Variants in RANBP2 observed in about 807,000 individuals in gnomAD.
RANBP2 encodes the protein RAN binding protein 2.
Under a neutral mutation model 303.6 loss-of-function variants are expected in RANBP2, and 57 were observed. That is an observed-to-expected ratio of 0.19 (90% CI 0.15 to 0.23). RANBP2 has a LOEUF of 0.23. RANBP2 is among the 10% of genes least tolerant of loss of function. The pLI is 1.00. For missense variants in RANBP2, 3,138 were observed against 3,780.8 expected (o/e 0.83, Z 4.46); for synonymous variants, 1,167 against 1,301.5 (o/e 0.90, Z 2.23).
chr2:109,445,799 A>C, the RANBP2 span, among the ~76,000 whole-genome samples: 3 of 152,114 alleles, frequency 2.0e-5, no homozygotes, highest in Non-Finnish European at 2.9e-5. Context: ...TCATCCCTGA[A>C]GTGGGAAGCG....
At chr2:109,196,155 T>G in the RANBP2 span, among the ~76,000 whole-genome samples, 6 of 152,202 alleles carry the variant, frequency 3.9e-5, no homozygotes, top group Admixed American at 2.6e-4. Flanking sequence ...CAGGGTCACA[T>G]GGCTGGTTGG....
chr2:108,880,095 CAG>C, the RANBP2 span, among the ~76,000 whole-genome samples: 1 of 151,180 alleles, frequency 6.6e-6, no homozygotes, highest in Non-Finnish European at 1.5e-5. Flanking sequence ...TTTTAAAAAA[CAG>C]AAATCAATGA....
Position 108,719,545 on chromosome 2 carries a change from T to A in RANBP2, c.-62T>A, listed in dbSNP as rs1694033485. On this transcript the variant is annotated 5_prime_UTR_variant, in exon 1 of 29. Coordinates refer to ENST00000283195, the MANE Select transcript of RANBP2 (RefSeq NM_006267.5). ...TTTGCAGGCGCTTTCCTCTTGGAAG[T>A]GGCGACTGCTGCGGGCCTGAGCGCT... The A allele has an allele frequency of 6.4e-7, 1 of 1,561,984 alleles. No homozygotes were observed. Among genetic ancestry groups the A allele is most frequent in the African/African-American group, 1.4e-5 (1 of 73,918 alleles).
chr2:109,437,077 C>G, the RANBP2 span: 1 of 1,613,624 alleles, frequency 6.2e-7, no homozygotes, highest in South Asian at 1.1e-5. Context: ...AGCCTCGCCC[C>G]CAACAGGCAG....
the RANBP2 span, among the ~76,000 whole-genome samples, chr2:109,623,646 A>T: frequency 6.6e-6 from 1 of 152,212 alleles, no homozygotes; most frequent in African/African-American, 2.4e-5. Flanking sequence ...TATTCTTCCC[A>T]ATGTCTGACC....
the RANBP2 span, among the ~76,000 whole-genome samples, chr2:109,636,655 T>C: frequency 4.6e-5 from 7 of 152,116 alleles, no homozygotes; most frequent in African/African-American, 1.7e-4. Context: ...AAAACAGTGT[T>C]GGCTGGGTGC....
At chr2:109,614,794 AGCCCGAGGCCCCCGACGGCCCTGCCGG>A in the RANBP2 span, 6 of 1,472,674 alleles carry the variant, frequency 4.1e-6, no homozygotes, top group Admixed American at 2.4e-5. Flanking sequence ...GTGACCGCCG[AGCCCGAGGCCCCCGACGGCCCTGCCGG>A]GCCCGAGGCG....
At chr2:109,693,732 C>T in the RANBP2 span, among the ~76,000 whole-genome samples, 167 of 152,284 alleles carry the variant, frequency 1.1e-3, 2 homozygotes, top group South Asian at 0.027. Context: ...ATCGGCAGCA[C>T]GAAAGCAGAG....
At chr2:109,481,311 T>G in the RANBP2 span, among the ~76,000 whole-genome samples, 1 of 152,204 alleles carries the variant, frequency 6.6e-6, no homozygotes, top group African/African-American at 2.4e-5. Context: ...AGCTGGAGGG[T>G]GCACCTGTGC....
At chr2:109,475,788 C>T in the RANBP2 span, among the ~76,000 whole-genome samples, 256 of 152,340 alleles carry the variant, frequency 1.7e-3, no homozygotes, top group Non-Finnish European at 2.1e-3. Context: ...GGTTGAATTC[C>T]TGGTTCCTCT....
the RANBP2 span, among the ~76,000 whole-genome samples, chr2:109,374,669 C>G: frequency 2.0e-5 from 3 of 152,230 alleles, no homozygotes; most frequent in African/African-American, 7.2e-5. Flanking sequence ...GACCCGTCAC[C>G]TCACACTAAG....
the RANBP2 span, among the ~76,000 whole-genome samples, chr2:109,156,485 G>A: frequency 2.3e-3 from 343 of 150,320 alleles, 3 homozygotes; most frequent in Non-Finnish European, 3.2e-3. Flanking sequence ...TGCTCTTGTT[G>A]TCCAGGCTGG....
the RANBP2 span, among the ~76,000 whole-genome samples, chr2:108,917,658 C>A: frequency 6.6e-6 from 1 of 151,890 alleles, no homozygotes; most frequent in Non-Finnish European, 1.5e-5. Flanking sequence ...GGGGGTCAAA[C>A]GGGAGGCGGT....
chr2:109,246,048 C>A, the RANBP2 span, among the ~76,000 whole-genome samples: 1 of 152,222 alleles, frequency 6.6e-6, no homozygotes, highest in African/African-American at 2.4e-5. Context: ...CACCTGGATT[C>A]ATACTTCAAT....
chr2:109,371,453 G>A, the RANBP2 span: 1 of 641,840 alleles, frequency 1.6e-6, no homozygotes, highest in South Asian at 2.1e-5. Context: ...ATACCTGAAT[G>A]GATAATGCAC....
the RANBP2 span, chr2:109,615,507 G>A: frequency 1.2e-6 from 2 of 1,613,838 alleles, no homozygotes; most frequent in East Asian, 2.2e-5. Context: ...CAGGACGAGC[G>A]GGGGTTACAC....
At chr2:109,171,161 A>G in the RANBP2 span, among the ~76,000 whole-genome samples, 43 of 152,302 alleles carry the variant, frequency 2.8e-4, 2 homozygotes, top group African/African-American at 1.0e-3. Flanking sequence ...TTTGTTTTAT[A>G]TATATGTACA....
At chr2:108,810,281 G>T in the RANBP2 span, among the ~76,000 whole-genome samples, 1 of 152,248 alleles carries the variant, frequency 6.6e-6, no homozygotes, top group East Asian at 1.9e-4. Flanking sequence ...TTGTGTGTTT[G>T]TTATATATAG....
downstream of RANBP2, chr2:108,789,026 G>A (rs373028320): frequency 8.3e-4 from 1,308 of 1,576,636 alleles, 20 homozygotes; most frequent in South Asian, 0.012. Flanking sequence ...AACTGAGAAA[G>A]AGAAAAGGGC....
Sources: gnomAD v4.1 joint callset for allele counts (sites outside exome capture counted in the v4.1 genomes callset) on GRCh38, gnomAD v4.1.1 for gene constraint, MANE v1.5 for transcripts, NCBI Gene and HGNC (gene_info 2026-07-23, HGNC 2026-07-21) for gene names.